NALCN: variants seen among roughly 807,000 people sequenced by gnomAD.
NALCN encodes the protein sodium leak channel NALCN.
NALCN carries 111 observed loss-of-function variants against 225.3 expected under a neutral mutation model. The observed-to-expected ratio is 0.49, with a 90% CI of 0.42 to 0.58. NALCN has a LOEUF of 0.58. NALCN is among the 20% of genes least tolerant of loss of function. The pLI is 0.00. For synonymous variants in NALCN, 764 were observed against 769.0 expected, an observed-to-expected ratio of 0.99 and a Z score of 0.11; for missense variants, 1,378 against 2,202.4, an observed-to-expected ratio of 0.63 and a Z score of 7.49.
chr13:101,148,020 A>G (rs906452341), intron 15 of NALCN, among the ~76,000 whole-genome samples: 3 of 152,122 alleles, frequency 2.0e-5, no homozygotes, highest in Non-Finnish European at 4.4e-5. Context: ...CAAGCTCATA[A>G]CATGGTAGGA....
chr13:101,169,890 A>T (rs535833874), intron 15 of NALCN, among the ~76,000 whole-genome samples: 1 of 152,372 alleles, frequency 6.6e-6, no homozygotes, highest in South Asian at 2.1e-4. Context: ...CAGTTATATC[A>T]GTCTTTTAAA....
chr13:101,086,199 A>T (rs866940445), intron 30 of NALCN, among the ~76,000 whole-genome samples: 3 of 152,030 alleles, frequency 2.0e-5, no homozygotes, highest in Non-Finnish European at 1.5e-5. Flanking sequence ...TTGTGTCCTA[A>T]TCTTTGTTAC....
intron 7 of NALCN, among the ~76,000 whole-genome samples, chr13:101,342,797 G>T (rs1426734817): frequency 6.6e-6 from 1 of 152,120 alleles, no homozygotes; most frequent in Non-Finnish European, 1.5e-5. Flanking sequence ...TCTTACAACA[G>T]GGGTTCCTTG....
intron 10 of NALCN, among the ~76,000 whole-genome samples, chr13:101,276,599 T>A (rs1024336319): frequency 1.3e-5 from 2 of 152,214 alleles, no homozygotes; most frequent in African/African-American, 4.8e-5. Context: ...CTATTCTAAT[T>A]ATAATTATAG....
rs532918011 is a variant in NALCN, at chr13:101,123,060, A to G, written c.2192+1548T>C. On this transcript the variant is annotated intron_variant, in intron 18 of 43. Transcript: ENST00000251127. ...TAAACTGAGAGAGGGGTAAATAAGG[A>G]CAGGAGGGTGAAAAAGGTAAAGTGA... Among the ~76,000 whole-genome samples, 110 of 152,308 alleles carry G rather than the reference A, an allele frequency of 7.2e-4. 1 individual carries two copies. The highest frequency in any genetic ancestry group is 2.6e-3 in the African/African-American group (108 of 41,584).
chr13:101,307,580 T>C lies in NALCN; in HGVS notation c.800-15214A>G, dbSNP rs1012724403. Reference sequence around the variant, plus strand: ...GCATGTCTGAACTTTCTGAAACTTTTCTTGGCTTGGTTTTGAGGAATTTGA... The same window carrying C: ...GCATGTCTGAACTTTCTGAAACTTTCCTTGGCTTGGTTTTGAGGAATTTGA... On this transcript the variant is annotated intron_variant, in intron 7 of 43. Transcript: ENST00000251127. Among the ~76,000 whole-genome samples, 12 of 152,352 alleles carry C rather than the reference T, an allele frequency of 7.9e-5. No homozygotes were observed. In the East Asian group the frequency reaches 1.4e-3, roughly 17 times the overall value.
intron 17 of NALCN, among the ~76,000 whole-genome samples, chr13:101,139,047 T>G (rs1466328070): frequency 6.6e-6 from 1 of 152,156 alleles, no homozygotes. Flanking sequence ...AGGAAAACAC[T>G]CTTTCCTGTC....
Position 101,399,164 on chromosome 13 carries a change from G to A in NALCN, c.-38C>T. The A allele has an allele frequency of 6.2e-7, 1 of 1,609,554 alleles. No individual in the cohort carries two copies. Among genetic ancestry groups the A allele is most frequent in the Admixed American group, 1.7e-5 (1 of 59,620 alleles). ...TTTGGTGAGCAAGCACAAAACCACAGTCTGGGAAAAGGAAAAGTTGTATTT... is the reference window on the plus strand; with the variant it reads ...TTTGGTGAGCAAGCACAAAACCACAATCTGGGAAAAGGAAAAGTTGTATTT... On this transcript the variant is annotated splice_region_variant and 5_prime_UTR_variant, in exon 2 of 44. Coordinates refer to ENST00000251127, the MANE Select transcript of NALCN (RefSeq NM_052867.4).
rs2032291640 is a variant in NALCN, at chr13:101,065,397, C to T, written c.4604+7G>A. On this transcript the variant is annotated splice_region_variant and intron_variant, in intron 40 of 43. Coordinates refer to ENST00000251127, the MANE Select transcript of NALCN (RefSeq NM_052867.4). ...CCCATTCAGCCCTGCGAAAGCCTGCCTTGTACCTCAGGACATCATGGAAGG... is the reference window on the plus strand; with the variant it reads ...CCCATTCAGCCCTGCGAAAGCCTGCTTTGTACCTCAGGACATCATGGAAGG... The T allele has an allele frequency of 1.2e-6, 2 of 1,614,038 alleles. No individual in the cohort carries two copies. Among genetic ancestry groups the T allele is most frequent in the Non-Finnish European group, 1.7e-6 (2 of 1,179,928 alleles).
intron 7 of NALCN, among the ~76,000 whole-genome samples, chr13:101,339,004 T>C (rs909228079): frequency 1.9e-4 from 29 of 152,366 alleles, no homozygotes; most frequent in African/African-American, 5.3e-4. Flanking sequence ...TCTAAACTTC[T>C]GTAATTTCAT....
At chr13:101,318,955 A>G (rs117679409) in intron 7 of NALCN, among the ~76,000 whole-genome samples, 1,665 of 152,318 alleles carry the variant, frequency 0.011, 15 homozygotes, top group Non-Finnish European at 0.016. Flanking sequence ...GACAAAAGAA[A>G]TAAAAACCTA....
intron 15 of NALCN, among the ~76,000 whole-genome samples, chr13:101,171,317 T>C (rs779198671): frequency 2.7e-5 from 4 of 148,834 alleles, no homozygotes; most frequent in Admixed American, 1.3e-4. Context: ...TATATACATA[T>C]ACGTATAGAT....
At chr13:101,388,275 A>T (rs2047048934) in intron 3 of NALCN, among the ~76,000 whole-genome samples, 1 of 152,190 alleles carries the variant, frequency 6.6e-6, no homozygotes, top group Non-Finnish European at 1.5e-5. Context: ...CTGAGCTATG[A>T]AGTTGAGCTG....
At chr13:101,210,654 T>C (rs753427740) in intron 13 of NALCN, among the ~76,000 whole-genome samples, 5 of 152,184 alleles carry the variant, frequency 3.3e-5, no homozygotes, top group African/African-American at 9.7e-5. Flanking sequence ...GTGCCCACCA[T>C]TCCATTAATT....
At chr13:101,304,547 G>A (rs2044087747) in intron 7 of NALCN, among the ~76,000 whole-genome samples, 1 of 151,882 alleles carries the variant, frequency 6.6e-6, no homozygotes, top group South Asian at 2.1e-4. Flanking sequence ...ATCTCCGCCT[G>A]GGATTACAGG....
intron 3 of NALCN, among the ~76,000 whole-genome samples, chr13:101,387,806 A>G (rs998003152): frequency 2.0e-5 from 3 of 152,178 alleles, no homozygotes; most frequent in African/African-American, 7.2e-5. Flanking sequence ...TTATGATGTA[A>G]CTTAAACACC....
At chr13:101,264,163 A>G (rs971460771) in intron 10 of NALCN, among the ~76,000 whole-genome samples, 30 of 152,170 alleles carry the variant, frequency 2.0e-4, no homozygotes, top group African/African-American at 5.3e-4. Context: ...ATGAACACAT[A>G]CATCTCTAGT....
At chr13:101,215,318 A>C (rs1486113359) in intron 13 of NALCN, among the ~76,000 whole-genome samples, 1 of 152,182 alleles carries the variant, frequency 6.6e-6, no homozygotes, top group African/African-American at 2.4e-5. Context: ...TGTTCAGAGC[A>C]GTACTGTTTG....
intron 18 of NALCN, among the ~76,000 whole-genome samples, chr13:101,115,969 A>C (rs1051577619): frequency 6.6e-6 from 1 of 152,138 alleles, no homozygotes; most frequent in African/African-American, 2.4e-5. Flanking sequence ...AAAAATAATG[A>C]AGTCTTTTGT....
Sources: allele counts gnomAD v4.1 joint callset (sites outside exome capture counted in the v4.1 genomes callset), GRCh38; gene constraint gnomAD v4.1.1; transcripts MANE v1.5; gene names NCBI Gene and HGNC (gene_info 2026-07-23, HGNC 2026-07-21).